Variants in CPXCR1 observed in about 807,000 individuals in gnomAD.
CPXCR1 encodes CPX chromosome region candidate 1.
In CPXCR1, 15 loss-of-function variants were observed where a neutral mutation model predicts 13.8. The observed-to-expected ratio is 1.09, with a 90% CI of 0.73 to 1.67. The LOEUF is 1.67. Ranked by LOEUF, CPXCR1 falls within the 40% of genes most tolerant of loss-of-function variation. The pLI is 0.00. For missense variants in CPXCR1, 247 were observed against 223.6 expected (o/e 1.10, Z -0.67); for synonymous variants, 70 against 76.7 (o/e 0.91, Z 0.46).
intron 2 of CPXCR1, among the ~76,000 whole-genome samples, chrX:88,751,676 G>T (rs1924921910): frequency 9.0e-6 from 1 of 110,919 alleles, no homozygotes; most frequent in Non-Finnish European, 1.9e-5. Context: ...TCCAATAAAA[G>T]ATATAACGTT....
At chrX:88,749,059 C>T (rs1307344857) in intron 1 of CPXCR1, among the ~76,000 whole-genome samples, 2 of 101,869 alleles carry the variant, frequency 2.0e-5, no homozygotes, top group Admixed American at 2.2e-4. Flanking sequence ...AGGTATATCT[C>T]CTAATGCTAT....
intron 1 of CPXCR1, among the ~76,000 whole-genome samples, chrX:88,748,795 TTGTGTGTGTGTGTGTG>T (rs748485686): frequency 1.0e-5 from 1 of 99,648 alleles, no homozygotes; most frequent in Non-Finnish European, 2.0e-5. Flanking sequence ...GATATTTCTT[TTGTGTGTGTGTGTGTG>T]TGTGTGTGTG....
Position 88,754,046 on chromosome X carries a change from G to T in CPXCR1, c.632G>T (p.Arg211Ile), listed in dbSNP as rs1569255629. The change falls in exon 3 of 3, where the codon AGA (arginine) becomes ATA (isoleucine). Residue 211 changes from arginine (R) to isoleucine (I), a missense_variant. Transcript: ENST00000276127. ...CACTACTACCGTCCCCTCACTGAGA[G>T]AATGACATCAGGAAAATTTTGCAAA... ...RVHYYRPLTE[R>I]MTSGKFCKST... The T allele has an allele frequency of 8.3e-7, 1 of 1,211,291 alleles. No homozygotes were observed. The highest frequency in any genetic ancestry group is 1.7e-5 in the African/African-American group (1 of 57,765).
At chrX:88,752,663 C>T (rs1924954954) in intron 2 of CPXCR1, among the ~76,000 whole-genome samples, 1 of 110,142 alleles carries the variant, frequency 9.1e-6, no homozygotes, top group South Asian at 3.8e-4. Context: ...TCTCCTGTCT[C>T]AGTCTCCCAA....
chrX:88,752,524 TTTTATTTATTTA>T lies in CPXCR1; in HGVS notation c.-8-854_-8-843del, dbSNP rs58707373. Among the ~76,000 whole-genome samples, 457 of 96,881 alleles carry T rather than the reference TTTTATTTATTTA, an allele frequency of 4.7e-3. 2 individuals are homozygous for T. The highest frequency in any genetic ancestry group is 0.016 in the African/African-American group (425 of 26,731). 84.1% of individuals were successfully genotyped at this position (96,881 alleles called of 115,157 possible). A position where few individuals can be genotyped will look rare whatever the true frequency, so the allele number is the denominator to read the frequency against. On this transcript the variant is annotated intron_variant, in intron 2 of 2. Transcript: ENST00000276127. ...ACATTACTTTTATTTTATTTATCCA[TTTTATTTATTTA>T]TTTATTTATTTATTTATTTATTTAT...
In CPXCR1 at chrX:88,753,511, T is replaced by C. The variant is rs1209869666; in HGVS notation, c.97T>C (p.Ser33Pro). The change falls in exon 3 of 3, where the codon TCT (serine) becomes CCT (proline). Residue 33 changes from serine (S) to proline (P), a missense_variant. Physicochemically the swap from Ser to Pro is moderately conservative, Grantham distance 74 (BLOSUM62 -1). Coordinates refer to ENST00000276127, the MANE Select transcript of CPXCR1 (RefSeq NM_033048.6). Reference protein sequence around the residue: ...PPNDCSTDIESPSADPNMIYQ... With the variant: ...PPNDCSTDIEPPSADPNMIYQ... Reference sequence around the variant, plus strand: ...TAATGACTGTAGTACAGACATAGAGTCTCCATCTGCTGATCCCAATATGAT... The same window carrying C: ...TAATGACTGTAGTACAGACATAGAGCCTCCATCTGCTGATCCCAATATGAT... 10 of 1,200,646 alleles carry C rather than the reference T, an allele frequency of 8.3e-6. No individual in the cohort carries two copies. In the African/African-American group the frequency reaches 8.9e-5, roughly 11 times the overall value.
At chrX:88,751,305 T>C (rs1924912027) in intron 2 of CPXCR1, among the ~76,000 whole-genome samples, 1 of 111,956 alleles carries the variant, frequency 8.9e-6, no homozygotes, top group Non-Finnish European at 1.9e-5. Context: ...ACTTATTTAT[T>C]TCTGCCTTCA....
At chrX:88,752,412 G>A (rs1263150335) in intron 2 of CPXCR1, among the ~76,000 whole-genome samples, 1 of 111,387 alleles carries the variant, frequency 9.0e-6, no homozygotes, top group Non-Finnish European at 1.9e-5. Context: ...AATGAACTCA[G>A]AATTTGAATT....
rs1274472010 is a variant in CPXCR1 at position 88,754,026 on chromosome X, C to T, written c.612C>T (p.Tyr204=). 8.3e-7 allele frequency: 1 copy of T among 1,210,781 alleles called. No individual in the cohort carries two copies. Among genetic ancestry groups the T allele is most frequent in the Non-Finnish European group, 1.1e-6 (1 of 894,857 alleles). Residue 204 remains tyrosine, a synonymous_variant, in exon 3 of 3, where the codon TAC becomes TAT. Transcript: ENST00000276127. Reference sequence around the variant, plus strand: ...TTAGAAGGCCTTCGAGGGTGCACTACTACCGTCCCCTCACTGAGAGAATGA... The same window carrying T: ...TTAGAAGGCCTTCGAGGGTGCACTATTACCGTCCCCTCACTGAGAGAATGA... ...ITFRRPSRVH[Y]YRPLTERMTS...
intron 1 of CPXCR1, among the ~76,000 whole-genome samples, chrX:88,747,639 A>G (rs1924808356): frequency 8.9e-6 from 1 of 111,783 alleles, no homozygotes; most frequent in African/African-American, 3.3e-5. Context: ...AGGTCCCTCA[A>G]TTGAAGAAAT....
At chrX:88,752,970 T>C (rs778708163) in intron 2 of CPXCR1, among the ~76,000 whole-genome samples, 1 of 111,702 alleles carries the variant, frequency 9.0e-6, no homozygotes, top group South Asian at 3.7e-4. Context: ...CTTTTAAACA[T>C]ATACACTCAT....
At position 88,754,576 on chromosome X, in the gene CPXCR1, T is replaced by C. The variant is rs766290267; in HGVS notation, c.*256T>C. ...ATATTGAGTCAGCATTTGAACCAAG[T>C]AAATGTTTTCACTGTCTTAACATCT... is the stretch of plus-strand genomic sequence containing the variant. On this transcript the variant is annotated 3_prime_UTR_variant, in exon 3 of 3. Transcript: ENST00000276127. 7.9e-5 allele frequency: 20 copies of C among 252,657 alleles called. No homozygotes were observed. Among genetic ancestry groups the C allele is most frequent in the Middle Eastern group, 1.2e-3 (1 of 825 alleles). 20.8% of individuals were successfully genotyped at this position (252,657 alleles called of 1,213,427 possible). A position where few individuals can be genotyped will look rare whatever the true frequency, so the allele number is the denominator to read the frequency against.
In CPXCR1 at chrX:88,754,164, A is replaced by G; in HGVS notation, c.750A>G (p.Ile250Met). 4.2e-6 allele frequency: 5 copies of G among 1,195,288 alleles called. No homozygotes were observed. The highest frequency in any genetic ancestry group is 5.7e-6 in the Non-Finnish European group (5 of 882,898). The change falls in exon 3 of 3, where the codon ATA (isoleucine) becomes ATG (methionine). Residue 250 changes from isoleucine (I) to methionine (M), a missense_variant. Transcript: ENST00000276127. ...TACAAATTGAAAGTATTTTTAATAT[A>G]AAAGGTTTTGTGGATATATTGACAT... ...SQIQIESIFN[I>M]KGFVDILTYI...
intron 2 of CPXCR1, among the ~76,000 whole-genome samples, chrX:88,750,387 G>T (rs912028849): frequency 9.0e-6 from 1 of 111,661 alleles, no homozygotes; most frequent in Non-Finnish European, 1.9e-5. Context: ...ACTGATTTGC[G>T]TATGTTGAAC....
In CPXCR1 at chrX:88,753,465, A is replaced by C; in HGVS notation, c.51A>C (p.Lys17Asn). The C allele has an allele frequency of 8.6e-7, 1 of 1,161,499 alleles. No individual in the cohort carries two copies. The highest frequency in any genetic ancestry group is 1.1e-6 in the Non-Finnish European group (1 of 870,659). Residue 17 changes from lysine to asparagine, a missense_variant, in exon 3 of 3, where the codon AAA (lysine) becomes AAC (asparagine). Physicochemically the swap from Lys to Asn is moderately conservative, Grantham distance 94. Transcript: ENST00000276127. ...EGSDTAGNAH[K>N]NSENEPPNDC... ...GTGATACAGCTGGAAATGCTCACAA[A>C]AATTCTGAAAATGAGCCTCCTAATG...
chrX:88,753,042 T>G (rs1924967073), intron 2 of CPXCR1, among the ~76,000 whole-genome samples: 1 of 111,472 alleles, frequency 9.0e-6, no homozygotes, highest in Non-Finnish European at 1.9e-5. Flanking sequence ...AGATCCATCT[T>G]ATTCAATGAA....
At chrX:88,749,099 TC>T (rs1415284711) in intron 1 of CPXCR1, among the ~76,000 whole-genome samples, 1 of 59,293 alleles carries the variant, frequency 1.7e-5, no homozygotes, top group African/African-American at 7.1e-5. Context: ...CCCACAACAG[TC>T]CCCGGTGTGT....
At chrX:88,750,610 C>T (rs1924889767) in intron 2 of CPXCR1, among the ~76,000 whole-genome samples, 1 of 112,072 alleles carries the variant, frequency 8.9e-6, no homozygotes, top group African/African-American at 3.2e-5. Context: ...GGAGGAGTCC[C>T]TCTCTTTCTA....
intron 1 of CPXCR1, among the ~76,000 whole-genome samples, chrX:88,748,171 A>G (rs1315116071): frequency 9.0e-6 from 1 of 111,198 alleles, no homozygotes; most frequent in Non-Finnish European, 1.9e-5. Flanking sequence ...TATAATTTTA[A>G]AAGCTATCAG....
Sources: allele counts gnomAD v4.1 joint callset (sites outside exome capture counted in the v4.1 genomes callset), GRCh38; gene constraint gnomAD v4.1.1; transcripts MANE v1.5; gene names NCBI Gene and HGNC (gene_info 2026-07-23, HGNC 2026-07-21).